DTNB: variants seen among roughly 807,000 people sequenced by gnomAD.
DTNB encodes DTN-B.
In DTNB, 63 loss-of-function variants were observed where a neutral mutation model predicts 90.7. The ratio of observed to expected loss-of-function variants is 0.69; its 90% CI spans 0.57 to 0.86. The LOEUF is 0.86. Ranked by LOEUF, DTNB falls within the 40% of genes least tolerant of loss-of-function variation. The pLI is 0.00. For missense variants in DTNB, 744 were observed against 807.1 expected, an observed-to-expected ratio of 0.92 and a Z score of 0.95; for synonymous variants, 277 against 286.7, an observed-to-expected ratio of 0.97 and a Z score of 0.34.
At chr2:25,533,960 ATTTATTTATTTT>A (rs548323007) in intron 8 of DTNB, among the ~76,000 whole-genome samples, 162 of 149,290 alleles carry the variant, frequency 1.1e-3, no homozygotes, top group African/African-American at 3.9e-3. Flanking sequence ...TTATTTATTT[ATTTATTTATTTT>A]TTGGAAATGC....
intron 5 of DTNB, among the ~76,000 whole-genome samples, chr2:25,606,682 ATAGTATCTAAT>A (rs1304987046): frequency 1.3e-5 from 2 of 152,306 alleles, no homozygotes; most frequent in East Asian, 3.9e-4. Context: ...TCACCTTCTT[ATAGTATCTAAT>A]GAATGGTAAA....
At chr2:25,482,960 G>C in intron 9 of DTNB, 87 bp from the exon 10 acceptor site, 1 of 1,327,906 alleles carries the variant, frequency 7.5e-7, no homozygotes. Flanking sequence ...AGAGCAAAGG[G>C]ACCAATCATC....
intron 4 of DTNB, among the ~76,000 whole-genome samples, chr2:25,617,630 C>T (rs1315037846): frequency 1.3e-5 from 2 of 152,152 alleles, no homozygotes; most frequent in Admixed American, 6.5e-5. Context: ...TCGTGGTTCA[C>T]GCCTGCAATC....
chr2:25,462,708 C>CTT (rs70947890), intron 10 of DTNB, among the ~76,000 whole-genome samples: 6 of 146,114 alleles, frequency 4.1e-5, no homozygotes, highest in Admixed American at 2.1e-4. Context: ...TCAGAACACT[C>CTT]TTTTTTTTTT....
rs528428779 is a variant in DTNB at position 25,456,215 on chromosome 2, G to C, written c.1080-721C>G. On this transcript the variant is annotated intron_variant, in intron 10 of 20. Transcript: ENST00000406818. ...CCCTCAGGTACCCATAGCAAAACTT[G>C]AATGAATGTCAACATTTTGTCAATG... 4.6e-5 allele frequency among the ~76,000 whole-genome samples: 7 copies of C among 152,288 alleles called. No homozygotes were observed. The East Asian group carries it at 1.3e-3, about 29-fold the overall frequency.
In DTNB at chr2:25,526,597, T is replaced by C. The variant is rs139883471; in HGVS notation, c.1001+4876A>G. Among the ~76,000 whole-genome samples, 311 of 151,900 alleles carry C rather than the reference T, an allele frequency of 2.0e-3. 2 individuals are homozygous for C. The highest frequency in any genetic ancestry group is 7.1e-3 in the African/African-American group (295 of 41,406). Reference sequence around the variant, plus strand: ...TTTCAGTAGAGACAGGATTTCACCATGTTGGTCAGGCTGGTCTCAAACTCC... The same window carrying C: ...TTTCAGTAGAGACAGGATTTCACCACGTTGGTCAGGCTGGTCTCAAACTCC... On this transcript the variant is annotated intron_variant, in intron 9 of 20. Coordinates refer to ENST00000406818, the MANE Select transcript of DTNB (RefSeq NM_021907.5).
chr2:25,485,003 G>A (rs1558719885), intron 9 of DTNB, among the ~76,000 whole-genome samples: 1 of 152,120 alleles, frequency 6.6e-6, no homozygotes, highest in Non-Finnish European at 1.5e-5. Flanking sequence ...CTGAAACAAG[G>A]AGACAATCCC....
intron 9 of DTNB, among the ~76,000 whole-genome samples, chr2:25,515,814 T>TGATCCACCTGCCTCGGCC (rs1159932375): frequency 2.0e-5 from 3 of 152,058 alleles, no homozygotes; most frequent in South Asian, 4.1e-4. Context: ...TGACCTCAGC[T>TGATCCACCTGCCTCGGCC]GATCCACCTG....
In DTNB at chr2:25,607,217, A is replaced by G. The variant is rs752442121; in HGVS notation, c.448+19T>C. 6.4e-7 allele frequency: 1 copy of G among 1,570,940 alleles called. No individual in the cohort carries two copies. The highest frequency in any genetic ancestry group is 2.3e-5 in the East Asian group (1 of 43,298). On this transcript the variant is annotated intron_variant, in intron 5 of 20. Transcript: ENST00000406818. ...CTAATTTGAAAATGGCATTTTTCAA[A>G]TAATATGAAAATACTTACATCTCAA...
chr2:25,486,124 AAAAATAAAATAAAATAAAAT>A, intron 9 of DTNB, among the ~76,000 whole-genome samples: 1 of 145,704 alleles, frequency 6.9e-6, no homozygotes, highest in East Asian at 2.0e-4. Flanking sequence ...TCCATCTCAA[AAAAATAAAATAAAATAAAAT>A]AAAATAAAAT....
At chr2:25,454,884 C>T (rs2059781541) in intron 11 of DTNB, among the ~76,000 whole-genome samples, 1 of 152,094 alleles carries the variant, frequency 6.6e-6, no homozygotes, top group African/African-American at 2.4e-5. Flanking sequence ...GACAGTGACC[C>T]AATACCATTG....
intron 6 of DTNB, among the ~76,000 whole-genome samples, chr2:25,585,300 ATTC>A (rs891452910): frequency 2.0e-5 from 3 of 151,992 alleles, no homozygotes; most frequent in African/African-American, 7.3e-5. Context: ...TTTTGTACAA[ATTC>A]TTCATTTCTA....
rs373510154 is a variant in DTNB at position 25,531,615 on chromosome 2, A to T, written c.877-18T>A. 5.9e-5 allele frequency: 95 copies of T among 1,612,404 alleles called. No individual in the cohort carries two copies. In the Middle Eastern group the frequency reaches 2.1e-3, roughly 36 times the overall value. ...GGAGATTTCTGTGTCAAAGCAGAAA[A>T]TAGTAAGGAATTAACCCTTCAAAAG... On this transcript the variant is annotated intron_variant, in intron 8 of 20. Transcript: ENST00000406818.
intron 12 of DTNB, among the ~76,000 whole-genome samples, chr2:25,443,815 T>C (rs975279903): frequency 6.6e-6 from 1 of 152,270 alleles, no homozygotes; most frequent in Non-Finnish European, 1.5e-5. Flanking sequence ...AGGATCTATA[T>C]ATTTTTAAAA....
chr2:25,634,538 C>T (rs1427322904), intron 3 of DTNB, among the ~76,000 whole-genome samples: 1 of 147,346 alleles, frequency 6.8e-6, no homozygotes, highest in African/African-American at 2.4e-5. Flanking sequence ...GCCCGGCCAC[C>T]ACCCCGTCTG....
chr2:25,464,199 G>A (rs541806565), intron 10 of DTNB, among the ~76,000 whole-genome samples: 44 of 152,308 alleles, frequency 2.9e-4, no homozygotes, highest in Middle Eastern at 3.4e-3. Flanking sequence ...ATGAGCTATC[G>A]TGCCCAGCCT....
chr2:25,529,366 C>T (rs1263042763), intron 9 of DTNB, among the ~76,000 whole-genome samples: 1 of 152,020 alleles, frequency 6.6e-6, no homozygotes, highest in African/African-American at 2.4e-5. Flanking sequence ...CACAAAAATC[C>T]ATTCCAAATG....
chr2:25,605,592 A>G (rs2066931135), intron 5 of DTNB, among the ~76,000 whole-genome samples: 2 of 152,256 alleles, frequency 1.3e-5, no homozygotes, highest in Admixed American at 1.3e-4. Flanking sequence ...AGCTGGCTCT[A>G]TGTAAATATA....
At chr2:25,565,871 T>C (rs1007192767) in intron 8 of DTNB, among the ~76,000 whole-genome samples, 1 of 152,178 alleles carries the variant, frequency 6.6e-6, no homozygotes, top group African/African-American at 2.4e-5. Flanking sequence ...AGTCTAGAAG[T>C]AGCTAATTGG....
Sources: allele counts gnomAD v4.1 joint callset (sites outside exome capture counted in the v4.1 genomes callset), GRCh38; gene constraint gnomAD v4.1.1; transcripts MANE v1.5; gene names NCBI Gene and HGNC (gene_info 2026-07-23, HGNC 2026-07-21).